HCN1: variants seen among roughly 807,000 people sequenced by gnomAD.
The protein encoded by HCN1 is hyperpolarization activated cyclic nucleotide gated potassium channel 1.
In HCN1, 13 loss-of-function variants were observed where a neutral mutation model predicts 78.9. That is an observed-to-expected ratio of 0.16 (90% CI 0.11 to 0.26). The LOEUF (loss-of-function observed/expected upper bound fraction) is 0.26, where lower values mean the gene tolerates loss of function less well. HCN1 is among the 10% of genes least tolerant of loss of function. The pLI, the probability that HCN1 is intolerant of heterozygous loss-of-function variation, is 1.00. For missense variants in HCN1, 810 were observed against 1,154.3 expected, an observed-to-expected ratio of 0.70 and a Z score of 4.32; for synonymous variants, 552 against 455.5, an observed-to-expected ratio of 1.21 and a Z score of -2.70.
intron 2 of HCN1, among the ~76,000 whole-genome samples, chr5:45,549,315 C>T (rs1006261742): frequency 1.1e-4 from 16 of 152,090 alleles, no homozygotes; most frequent in African/African-American, 3.6e-4. Context: ...ACCAATGGAA[C>T]ATAACAGAGC....
intron 2 of HCN1, among the ~76,000 whole-genome samples, chr5:45,479,044 C>A (rs943063388): frequency 6.6e-6 from 1 of 151,748 alleles, no homozygotes; most frequent in South Asian, 2.1e-4. Context: ...TCTCTTGAAC[C>A]TGGACCCAGG....
intron 5 of HCN1, among the ~76,000 whole-genome samples, chr5:45,313,692 A>T (rs1316410949): frequency 1.3e-5 from 2 of 152,210 alleles, no homozygotes; most frequent in Non-Finnish European, 2.9e-5. Flanking sequence ...GGAGCTGAAA[A>T]CCATGGCACG....
intron 3 of HCN1, among the ~76,000 whole-genome samples, chr5:45,431,777 T>C (rs1342437673): frequency 1.3e-5 from 2 of 152,194 alleles, no homozygotes; most frequent in African/African-American, 4.8e-5. Context: ...CTCTCTATTC[T>C]GCTCTATTGG....
At chr5:45,366,098 G>A (rs1747229355) in intron 4 of HCN1, among the ~76,000 whole-genome samples, 1 of 151,592 alleles carries the variant, frequency 6.6e-6, no homozygotes, top group South Asian at 2.1e-4. Flanking sequence ...AGATAAGTTT[G>A]GGTGATTAAA....
At chr5:45,281,345 A>G (rs956917894) in intron 6 of HCN1, among the ~76,000 whole-genome samples, 1 of 151,886 alleles carries the variant, frequency 6.6e-6, no homozygotes. Context: ...CACCATGTAT[A>G]GTATGTGCCT....
At chr5:45,600,196 C>T (rs981976616) in intron 2 of HCN1, among the ~76,000 whole-genome samples, 2 of 151,990 alleles carry the variant, frequency 1.3e-5, no homozygotes, top group Admixed American at 6.6e-5. Context: ...CACACACACA[C>T]GCACACACAC....
At chr5:45,443,314 C>A (rs990827264) in intron 3 of HCN1, among the ~76,000 whole-genome samples, 2 of 151,868 alleles carry the variant, frequency 1.3e-5, no homozygotes, top group African/African-American at 4.8e-5. Context: ...ATTTTTCTTG[C>A]TATTTGAACT....
chr5:45,570,120 T>G (rs576384220), intron 2 of HCN1, among the ~76,000 whole-genome samples: 1 of 152,274 alleles, frequency 6.6e-6, no homozygotes, highest in East Asian at 1.9e-4. Context: ...AGCTATATTT[T>G]CTTTTTAATT....
At chr5:45,630,898 G>A (rs913629039) in intron 2 of HCN1, among the ~76,000 whole-genome samples, 3 of 151,806 alleles carry the variant, frequency 2.0e-5, no homozygotes, top group African/African-American at 4.8e-5. Context: ...GTGTATTGTT[G>A]TAATGTATAT....
chr5:45,502,364 C>T (rs576325335), intron 2 of HCN1, among the ~76,000 whole-genome samples: 2 of 151,206 alleles, frequency 1.3e-5, no homozygotes, highest in Non-Finnish European at 2.9e-5. Flanking sequence ...CACCTGTAAT[C>T]CCAGCTACTC....
chr5:45,335,916 A>C (rs184059098), intron 5 of HCN1, among the ~76,000 whole-genome samples: 2 of 152,212 alleles, frequency 1.3e-5, no homozygotes, highest in African/African-American at 4.8e-5. Context: ...TTGTGGAAGG[A>C]GGGCCATCTG....
At chr5:45,679,995 C>T (rs990812889) in intron 1 of HCN1, among the ~76,000 whole-genome samples, 1 of 152,058 alleles carries the variant, frequency 6.6e-6, no homozygotes, top group African/African-American at 2.4e-5. Flanking sequence ...GGTTAAAGGA[C>T]ACCCAGGCAA....
At chr5:45,279,177 C>A (rs1487910841) in intron 6 of HCN1, among the ~76,000 whole-genome samples, 1 of 152,102 alleles carries the variant, frequency 6.6e-6, no homozygotes, top group African/African-American at 2.4e-5. Context: ...GGAATTAGGT[C>A]AAACAGTCCA....
chr5:45,275,748 C>T (rs1745045180), intron 6 of HCN1, among the ~76,000 whole-genome samples: 1 of 152,088 alleles, frequency 6.6e-6, no homozygotes, highest in Admixed American at 6.6e-5. Flanking sequence ...GCCCATGTGA[C>T]ATAAACAGAT....
At chr5:45,544,897 C>T (rs1281615779) in intron 2 of HCN1, among the ~76,000 whole-genome samples, 5 of 152,046 alleles carry the variant, frequency 3.3e-5, no homozygotes, top group Non-Finnish European at 7.3e-5. Context: ...GTGAATAGTG[C>T]CGCAATAAAC....
intron 2 of HCN1, among the ~76,000 whole-genome samples, chr5:45,571,739 AC>A (rs1743840863): frequency 6.6e-6 from 1 of 152,050 alleles, no homozygotes; most frequent in Non-Finnish European, 1.5e-5. Flanking sequence ...ACATGGTGAA[AC>A]CCCGTCTCTA....
chr5:45,600,158 T>C (rs1277861821), intron 2 of HCN1, among the ~76,000 whole-genome samples: 1 of 151,888 alleles, frequency 6.6e-6, no homozygotes, highest in African/African-American at 2.4e-5. Flanking sequence ...ATTTTAGGCT[T>C]GCTTCCATTC....
At chr5:45,504,409 T>A (rs921012449) in intron 2 of HCN1, among the ~76,000 whole-genome samples, 8 of 152,166 alleles carry the variant, frequency 5.3e-5, no homozygotes, top group Non-Finnish European at 2.9e-5. Flanking sequence ...CTCATCCATG[T>A]CCCTACAAAG....
chr5:45,324,129 T>A (rs1746184725), intron 5 of HCN1, among the ~76,000 whole-genome samples: 1 of 151,878 alleles, frequency 6.6e-6, no homozygotes, highest in South Asian at 2.1e-4. Context: ...CCCTGAGGAA[T>A]CGCCACACCA....
Sources: allele counts gnomAD v4.1 joint callset (sites outside exome capture counted in the v4.1 genomes callset), GRCh38; gene constraint gnomAD v4.1.1; transcripts MANE v1.5; gene names NCBI Gene and HGNC (gene_info 2026-07-23, HGNC 2026-07-21).